Variants in ANXA4 observed in about 807,000 individuals in gnomAD.
The protein encoded by ANXA4 is annexin A4.
A neutral mutation model predicts 49.8 loss-of-function variants in ANXA4; 39 were observed. That is an observed-to-expected ratio of 0.78 (90% CI 0.61 to 1.02). ANXA4 has a LOEUF of 1.02. ANXA4 is among the 50% of genes least tolerant of loss of function. The probability of loss-of-function intolerance (pLI) is 0.00; values close to 1 mark genes in which losing one functional copy is unlikely to be tolerated. For synonymous variants in ANXA4, 134 were observed against 152.5 expected (o/e 0.88, Z 0.89); for missense variants, 360 against 410.1 (o/e 0.88, Z 1.05).
At chr2:69,732,651 T>C (rs1670136872) in intron 3 of ANXA4, among the ~76,000 whole-genome samples, 1 of 151,836 alleles carries the variant, frequency 6.6e-6, no homozygotes, top group African/African-American at 2.4e-5. Flanking sequence ...CCAGCTACTC[T>C]GGAGGCTGAG....
At chr2:69,791,303 G>T (rs377591751) in intron 3 of ANXA4, among the ~76,000 whole-genome samples, 178 of 152,332 alleles carry the variant, frequency 1.2e-3, no homozygotes, top group African/African-American at 4.3e-3. Flanking sequence ...AGTTAAGCTT[G>T]ATTCCTTAAA....
rs1441557445 is a variant in ANXA4, at chr2:69,656,210, C to T, written n.766+2928C>T. On this transcript the variant is annotated intron_variant and non_coding_transcript_variant, in intron 2 of 3. Coordinates refer to the ANXA4 transcript ENST00000418066. Reference sequence around the variant, plus strand: ...ATACGTATATATATATATATACACACACATATATATGTATATATGTATATA... The same window carrying T: ...ATACGTATATATATATATATACACATACATATATATGTATATATGTATATA... 4.3e-5 allele frequency among the ~76,000 whole-genome samples: 6 copies of T among 139,024 alleles called. No homozygotes were observed. In the East Asian group the frequency reaches 1.0e-3, roughly 24 times the overall value. The allele number at this position is 139,024 out of a possible 152,430, so 91.2% of individuals were successfully genotyped here.
At chr2:69,703,686 A>T (rs1678402978) in intron 2 of ANXA4, among the ~76,000 whole-genome samples, 1 of 152,172 alleles carries the variant, frequency 6.6e-6, no homozygotes, top group Non-Finnish European at 1.5e-5. Flanking sequence ...TGAATAATTC[A>T]TCTTTCCTCT....
rs748181194 is a variant in ANXA4 at position 69,659,806 on chromosome 2, G to T, written n.766+6524G>T. Among the ~76,000 whole-genome samples the T allele has an allele frequency of 1.9e-3, 286 of 152,176 alleles. 5 individuals are homozygous for T. The highest frequency in any genetic ancestry group is 7.2e-4 in the Non-Finnish European group (49 of 68,036). ...AATGTGAGTTTGCAGGTGACAGAAA[G>T]GAAGCAGGTCTTGAAATCAGAGGGA... On this transcript the variant is annotated intron_variant and non_coding_transcript_variant, in intron 2 of 3. Coordinates refer to the ANXA4 transcript ENST00000418066.
At chr2:69,744,466 AC>A (rs1670532393) in intron 1 of ANXA4, among the ~76,000 whole-genome samples, 1 of 152,224 alleles carries the variant, frequency 6.6e-6, no homozygotes, top group South Asian at 2.1e-4. Flanking sequence ...TAAATCTAAA[AC>A]AAGAAACCTC....
chr2:69,655,855 A>G (rs1303845443), intron 2 of ANXA4, among the ~76,000 whole-genome samples: 1 of 152,200 alleles, frequency 6.6e-6, no homozygotes, highest in Non-Finnish European at 1.5e-5. Flanking sequence ...GTCATAAAAA[A>G]GATGAGTTCA....
chr2:69,812,320 G>A (rs2103850065), intron 7 of ANXA4, among the ~76,000 whole-genome samples: 1 of 152,190 alleles, frequency 6.6e-6, no homozygotes, highest in African/African-American at 2.4e-5. Flanking sequence ...CAGTTAGGAA[G>A]GCATGAGTCA....
chr2:69,757,697 G>A (rs1276669520), intron 1 of ANXA4, among the ~76,000 whole-genome samples: 2 of 151,792 alleles, frequency 1.3e-5, no homozygotes, highest in East Asian at 2.0e-4. Flanking sequence ...GGTGGCTCAC[G>A]CCTGTAATCC....
chr2:69,707,713 T>G (rs948198390), intron 2 of ANXA4, among the ~76,000 whole-genome samples: 1 of 152,230 alleles, frequency 6.6e-6, no homozygotes, highest in Non-Finnish European at 1.5e-5. Context: ...CCTCAAACAT[T>G]TATCCTTTGT....
intron 1 of ANXA4, among the ~76,000 whole-genome samples, chr2:69,777,150 G>A (rs1671989299): frequency 1.3e-5 from 2 of 152,264 alleles, no homozygotes; most frequent in South Asian, 2.1e-4. Flanking sequence ...CCAGGCGCAC[G>A]TCTTCCCAGC....
intron 3 of ANXA4, among the ~76,000 whole-genome samples, chr2:69,727,079 G>T (rs1486552373): frequency 1.3e-5 from 2 of 152,022 alleles, no homozygotes; most frequent in Non-Finnish European, 2.9e-5. Flanking sequence ...TCCCTATGTT[G>T]CCCAGGCTGG....
chr2:69,794,638 C>G (rs1672854290), intron 3 of ANXA4, among the ~76,000 whole-genome samples: 1 of 152,246 alleles, frequency 6.6e-6, no homozygotes, highest in South Asian at 2.1e-4. Flanking sequence ...TCTCAGCTCA[C>G]TGCAAGCTCT....
intron 9 of ANXA4, chr2:69,817,018 G>T (rs1411800738): frequency 6.6e-6 from 1 of 152,202 alleles, no homozygotes; most frequent in Non-Finnish European, 1.5e-5. Context: ...AAAAAAACAG[G>T]TGATTACTCC....
intron 2 of ANXA4, among the ~76,000 whole-genome samples, chr2:69,713,116 T>C (rs568651965): frequency 2.6e-5 from 4 of 152,144 alleles, no homozygotes; most frequent in Admixed American, 1.3e-4. Flanking sequence ...AAAGCCTTAC[T>C]CTCAACCACC....
intron 3 of ANXA4, among the ~76,000 whole-genome samples, chr2:69,802,921 G>C (rs544092958): frequency 6.6e-6 from 1 of 151,986 alleles, no homozygotes; most frequent in Admixed American, 6.6e-5. Context: ...ACACGGCTGG[G>C]CATGATGGCT....
chr2:69,727,510 A>AT (rs11365047), intron 3 of ANXA4, among the ~76,000 whole-genome samples: 19 of 149,984 alleles, frequency 1.3e-4, no homozygotes, highest in African/African-American at 3.2e-4. Flanking sequence ...CAAGTTGAGC[A>AT]TTTTTTTTTA....
intron 2 of ANXA4, among the ~76,000 whole-genome samples, chr2:69,689,452 T>C (rs1277608948): frequency 6.6e-6 from 1 of 152,104 alleles, no homozygotes; most frequent in Non-Finnish European, 1.5e-5. Context: ...CATTTATACT[T>C]TTTTTCCCTT....
intron 2 of ANXA4, among the ~76,000 whole-genome samples, chr2:69,719,752 T>G (rs1450416266): frequency 2.6e-5 from 4 of 152,152 alleles, no homozygotes; most frequent in Non-Finnish European, 5.9e-5. Flanking sequence ...AATTATTTTT[T>G]GAATTATTAA....
chr2:69,788,036 ACT>A lies in ANXA4; in HGVS notation c.10-13_10-12del, dbSNP rs1477354840. The A allele has an allele frequency of 6.2e-7, 1 of 1,609,182 alleles. No homozygotes were observed. The highest frequency in any genetic ancestry group is 1.3e-5 in the African/African-American group (1 of 74,760). On this transcript the variant is annotated splice_polypyrimidine_tract_variant and intron_variant, in intron 2 of 12. Coordinates refer to ENST00000394295, the MANE Select transcript of ANXA4 (RefSeq NM_001153.5). ...TGAGAGGCTGCCTCTCAGTAACATCACTCTCTTGTGTGCTCAGGCAACCAAAG... is the reference window on the plus strand; with the variant it reads ...TGAGAGGCTGCCTCTCAGTAACATCACTCTTGTGTGCTCAGGCAACCAAAG...
Sources: allele counts gnomAD v4.1 joint callset (sites outside exome capture counted in the v4.1 genomes callset), GRCh38; gene constraint gnomAD v4.1.1; transcripts MANE v1.5; gene names NCBI Gene and HGNC (gene_info 2026-07-23, HGNC 2026-07-21).